UGT1A6: variants seen among roughly 807,000 people sequenced by gnomAD.
UGT1A6 encodes the protein UDP glucuronosyltransferase family 1 member A6.
A neutral mutation model predicts 44.4 loss-of-function variants in UGT1A6; 32 were observed. The observed-to-expected ratio is 0.72, with a 90% confidence interval of 0.54 to 0.97. The LOEUF is 0.97. UGT1A6 is among the 50% of genes least tolerant of loss of function. UGT1A6 has a pLI of 0.00. For synonymous variants in UGT1A6, 238 were observed against 248.5 expected (o/e 0.96, Z 0.40); for missense variants, 685 against 661.9 (o/e 1.03, Z -0.38).
chr2:233,736,380 T>C (rs544849081), intron 1 of UGT1A6, among the ~76,000 whole-genome samples: 2 of 152,342 alleles, frequency 1.3e-5, no homozygotes, highest in South Asian at 4.1e-4. Flanking sequence ...TAAGGTCTTC[T>C]CTACAGTGTT....
intron 1 of UGT1A6, among the ~76,000 whole-genome samples, chr2:233,741,083 A>G (rs1400996057): frequency 6.6e-6 from 1 of 151,938 alleles, no homozygotes; most frequent in Non-Finnish European, 1.5e-5. Flanking sequence ...TGTCTTTAAA[A>G]CAAACAAGCA....
chr2:233,712,304 GA>G, intron 1 of UGT1A6, among the ~76,000 whole-genome samples: 1 of 152,194 alleles, frequency 6.6e-6, no homozygotes, highest in African/African-American at 2.4e-5. Context: ...TGTAGATGGA[GA>G]ATCCTCAACA....
chr2:233,728,121 T>C (rs1274585713), intron 1 of UGT1A6, among the ~76,000 whole-genome samples: 1 of 152,216 alleles, frequency 6.6e-6, no homozygotes, highest in East Asian at 1.9e-4. Flanking sequence ...ATCTTGAAAT[T>C]TGGACTAGGG....
Position 233,693,128 on chromosome 2 carries a change from A to G in UGT1A6, c.124A>G (p.Met42Val), listed in dbSNP as rs148594741. 338 of 1,614,088 alleles carry G rather than the reference A, an allele frequency of 2.1e-4. No homozygotes were observed. The highest frequency in any genetic ancestry group is 2.7e-4 in the Non-Finnish European group (320 of 1,180,052). Residue 42 changes from methionine to valine, a missense_variant, in exon 1 of 5, where the codon ATG becomes GTG. Physicochemically the swap from Met to Val is conservative, Grantham distance 21. Transcript: ENST00000305139. ...TCAGGACGGAAGCCACTGGCTTAGTATGAAGGATATAGTTGAGGTTCTCAG... is the reference window on the plus strand; with the variant it reads ...TCAGGACGGAAGCCACTGGCTTAGTGTGAAGGATATAGTTGAGGTTCTCAG... ...VPQDGSHWLS[M>V]KDIVEVLSDR...
At chr2:233,731,048 G>A (rs1354846386) in intron 1 of UGT1A6, among the ~76,000 whole-genome samples, 4 of 152,194 alleles carry the variant, frequency 2.6e-5, no homozygotes, top group African/African-American at 9.7e-5. Context: ...TTCACCGAAT[G>A]TGTATGAACT....
chr2:233,758,550 C>T (rs537826054), intron 1 of UGT1A6, among the ~76,000 whole-genome samples: 173 of 152,196 alleles, frequency 1.1e-3, no homozygotes, highest in African/African-American at 3.9e-3. Flanking sequence ...TTCTGCTTGC[C>T]CAGAATCTTG....
At chr2:233,725,318 G>A (rs538456783) in intron 1 of UGT1A6, among the ~76,000 whole-genome samples, 1 of 74,564 alleles carries the variant, frequency 1.3e-5, no homozygotes, top group South Asian at 5.6e-4. Flanking sequence ...AGGCAGAGGC[G>A]CCTGGTCAAC....
Position 233,747,651 on chromosome 2 carries a change from G to A in UGT1A6, c.862-19383G>A, listed in dbSNP as rs566750548. ...CAGGCACCTGAATGCTACTTCCTTC[G>A]ATGTGGTTTTAATAGACCCAATTTA... On this transcript the variant is annotated intron_variant, in intron 1 of 4. Coordinates refer to ENST00000305139, the MANE Select transcript of UGT1A6 (RefSeq NM_001072.4). The A allele has an allele frequency of 2.5e-5, 39 of 1,588,728 alleles. No individual in the cohort carries two copies. The African/African-American group carries it at 3.1e-4, about 13-fold the overall frequency.
At chr2:233,758,568 A>G (rs1462095231) in intron 1 of UGT1A6, among the ~76,000 whole-genome samples, 1 of 152,230 alleles carries the variant, frequency 6.6e-6, no homozygotes, top group Non-Finnish European at 1.5e-5. Context: ...TTGGTCCTAA[A>G]AAATGAAGAG....
intron 1 of UGT1A6, among the ~76,000 whole-genome samples, chr2:233,731,819 C>T (rs1478115630): frequency 1.3e-5 from 2 of 152,132 alleles, no homozygotes; most frequent in Non-Finnish European, 2.9e-5. Context: ...ATGGCTGTGT[C>T]AAATGGTATT....
At chr2:233,719,662 G>C (rs769254543) in intron 1 of UGT1A6, 50 of 1,613,974 alleles carry the variant, frequency 3.1e-5, no homozygotes, top group Non-Finnish European at 4.0e-5. Context: ...GGCATCAACT[G>C]TGCCAACGGG....
intron 1 of UGT1A6, chr2:233,721,910 T>G: frequency 2.3e-6 from 1 of 439,350 alleles, no homozygotes; most frequent in Admixed American, 2.5e-5. Context: ...TGGTGCACAC[T>G]GCTTCCATAA....
At chr2:233,694,310 T>G (rs891942975) in intron 1 of UGT1A6, among the ~76,000 whole-genome samples, 9 of 152,004 alleles carry the variant, frequency 5.9e-5, no homozygotes, top group African/African-American at 1.9e-4. Flanking sequence ...TTTTGTTTTT[T>G]TTTTTCCTTT....
chr2:233,743,881 C>T (rs755016650), intron 1 of UGT1A6: 6 of 1,366,984 alleles, frequency 4.4e-6, no homozygotes, highest in Middle Eastern at 4.2e-4. Flanking sequence ...ATGAGGCCTG[C>T]CGGGGCACGT....
chr2:233,729,653 T>A, intron 1 of UGT1A6: 1 of 1,613,906 alleles, frequency 6.2e-7, no homozygotes, highest in Non-Finnish European at 8.5e-7. Context: ...TTGAGGAACA[T>A]TCCATGTGAT....
At chr2:233,756,441 T>C (rs1696218483) in intron 1 of UGT1A6, 1 of 152,178 alleles carries the variant, frequency 6.6e-6, no homozygotes, top group African/African-American at 2.4e-5. Flanking sequence ...TCATTGTTGT[T>C]CCCCCCAAAT....
chr2:233,746,646 C>A (rs1278819744), intron 1 of UGT1A6, among the ~76,000 whole-genome samples: 2 of 151,736 alleles, frequency 1.3e-5, no homozygotes, highest in East Asian at 3.9e-4. Flanking sequence ...TCTAACTTGG[C>A]TTTCTGTCCC....
At position 233,769,359 on chromosome 2, in the gene UGT1A6, C is replaced by T. The variant is rs1218131588; in HGVS notation, c.1301+920C>T. 6.6e-6 allele frequency among the ~76,000 whole-genome samples: 1 copy of T among 152,174 alleles called. No individual in the cohort carries two copies. Among genetic ancestry groups the T allele is most frequent in the Non-Finnish European group, 1.5e-5 (1 of 68,040 alleles). On this transcript the variant is annotated intron_variant, in intron 4 of 4. Transcript: ENST00000305139. The surrounding 1 kb of genome is among the most constrained non-coding windows in gnomAD (Gnocchi z 4.4). ...AGAACCTTATGGGAAGAAGTGGTGG[C>T]CAGTGGTAGATTTCATCCGACAATA...
At chr2:233,727,532 C>T (rs1479523178) in intron 1 of UGT1A6, among the ~76,000 whole-genome samples, 28 of 152,260 alleles carry the variant, frequency 1.8e-4, no homozygotes, top group Middle Eastern at 6.8e-3. Context: ...CACTACCAGG[C>T]GTGTTCCACC....
Sources: gnomAD v4.1 joint callset for allele counts (sites outside exome capture counted in the v4.1 genomes callset) on GRCh38, gnomAD v4.1.1 for gene constraint, Gnocchi (gnomAD v3.1) non-coding constraint, MANE v1.5 for transcripts, NCBI Gene and HGNC (gene_info 2026-07-23, HGNC 2026-07-21) for gene names.